Variants in CLVS1 observed in about 807,000 individuals in gnomAD.
The protein encoded by CLVS1 is clavesin-1.
In CLVS1, 10 loss-of-function variants were observed where a neutral mutation model predicts 33.1. The observed-to-expected ratio is 0.30, with a 90% CI of 0.19 to 0.51. The LOEUF (loss-of-function observed/expected upper bound fraction) is 0.51. Among genes scored for constraint, CLVS1 ranks in the 20% least tolerant of loss-of-function variants. The pLI is 0.97. For missense variants in CLVS1, 343 were observed against 433.4 expected, an observed-to-expected ratio of 0.79 and a Z score of 1.85; for synonymous variants, 163 against 166.1, an observed-to-expected ratio of 0.98 and a Z score of 0.14.
At chr8:61,177,566 C>T (rs1386081138) in intron 2 of CLVS1, among the ~76,000 whole-genome samples, 5 of 152,106 alleles carry the variant, frequency 3.3e-5, no homozygotes, top group African/African-American at 9.7e-5. Context: ...ACACCCTATA[C>T]AGGAGCTTTC....
At chr8:61,298,560 T>C (rs1268836118) in intron 1 of CLVS1, among the ~76,000 whole-genome samples, 1 of 152,136 alleles carries the variant, frequency 6.6e-6, no homozygotes, top group Non-Finnish European at 1.5e-5. Flanking sequence ...TTTAAGTAAT[T>C]TTGTATGAGA....
At chr8:61,210,732 T>C (rs1454237914) in intron 2 of CLVS1, among the ~76,000 whole-genome samples, 2 of 152,234 alleles carry the variant, frequency 1.3e-5, no homozygotes, top group Non-Finnish European at 2.9e-5. Context: ...TCCTGAACTA[T>C]GGACACCGTA....
the CLVS1 span, among the ~76,000 whole-genome samples, chr8:61,033,161 A>AAGAAAGAAAGAAAGAAAGAAAGAAAGAAG: frequency 2.2e-5 from 2 of 92,130 alleles, no homozygotes; most frequent in African/African-American, 8.8e-5. Context: ...GAAAGAAAGA[A>AAGAAAGAAAGAAAGAAAGAAAGAAAGAAG]AAAGAAAGAA....
chr8:61,074,467 T>TTA (rs71559324), intron 1 of CLVS1, among the ~76,000 whole-genome samples: 61,876 of 131,926 alleles, frequency 0.47, 18,028 homozygotes, highest in African/African-American at 0.79. Context: ...TATATATATG[T>TTA]TATATATATA....
intron 3 of CLVS1, among the ~76,000 whole-genome samples, chr8:61,383,984 G>A (rs182452493): frequency 6.6e-6 from 1 of 152,282 alleles, no homozygotes; most frequent in Non-Finnish European, 1.5e-5. Flanking sequence ...AAAGAGACAT[G>A]TACCAAGCTA....
chr8:61,331,159 T>C (rs7845684), intron 2 of CLVS1, among the ~76,000 whole-genome samples: 17,157 of 152,194 alleles, frequency 0.11, 2,563 homozygotes, highest in African/African-American at 0.34. Flanking sequence ...AAATTGCTTT[T>C]CTTCAGAATT....
the CLVS1 span, among the ~76,000 whole-genome samples, chr8:61,049,590 A>T: frequency 6.6e-6 from 1 of 152,246 alleles, no homozygotes; most frequent in South Asian, 2.1e-4. Flanking sequence ...AAAACTTTCT[A>T]CTGGGACTAT....
chr8:60,995,058 C>G, the CLVS1 span, among the ~76,000 whole-genome samples: 1 of 152,078 alleles, frequency 6.6e-6, no homozygotes, highest in Non-Finnish European at 1.5e-5. Context: ...ACCATAAAAA[C>G]CCTAGAAGAA....
chr8:61,429,568 A>G (rs1816033735), intron 3 of CLVS1, among the ~76,000 whole-genome samples: 1 of 152,142 alleles, frequency 6.6e-6, no homozygotes, highest in Non-Finnish European at 1.5e-5. Flanking sequence ...CACCTCTTAA[A>G]GTTCCCACCT....
intron 2 of CLVS1, among the ~76,000 whole-genome samples, chr8:61,248,278 T>G (rs1808859872): frequency 6.6e-6 from 1 of 152,160 alleles, no homozygotes; most frequent in Non-Finnish European, 1.5e-5. Flanking sequence ...CTTTTCTTTT[T>G]TGGTTCCATA....
At chr8:61,120,452 C>A (rs1348876241) in intron 1 of CLVS1, among the ~76,000 whole-genome samples, 2 of 130,834 alleles carry the variant, frequency 1.5e-5, no homozygotes, top group South Asian at 3.1e-4. Context: ...AGGCGCTCTG[C>A]ATTTTAGAGT....
chr8:61,206,833 C>T (rs543859950), intron 2 of CLVS1, among the ~76,000 whole-genome samples: 110 of 152,250 alleles, frequency 7.2e-4, no homozygotes, highest in Middle Eastern at 3.4e-3. Flanking sequence ...GTGATCCACC[C>T]GCCTCGGCCT....
intron 2 of CLVS1, among the ~76,000 whole-genome samples, chr8:61,310,771 G>T (rs1810803849): frequency 6.6e-6 from 1 of 152,196 alleles, no homozygotes; most frequent in Non-Finnish European, 1.5e-5. Context: ...GATATTGCTT[G>T]AAATGTTTTA....
the CLVS1 span, among the ~76,000 whole-genome samples, chr8:60,971,464 C>G: frequency 6.6e-6 from 1 of 152,218 alleles, no homozygotes; most frequent in Admixed American, 6.5e-5. Context: ...GACAGTAATG[C>G]TCACTTTGAT....
chr8:61,499,358 TAAAA>T, intron 5 of CLVS1, 93 bp from the exon 6 acceptor site: 1 of 725,518 alleles, frequency 1.4e-6, no homozygotes, highest in Non-Finnish European at 2.3e-6. Context: ...GAGTGTCTAT[TAAAA>T]AGAGAAATAT....
intron 1 of CLVS1, among the ~76,000 whole-genome samples, chr8:61,289,134 C>T (rs1250744973): frequency 6.6e-6 from 1 of 152,208 alleles, no homozygotes; most frequent in African/African-American, 2.4e-5. Context: ...TTGTTTGTCA[C>T]CAGTCAAGGA....
chr8:61,329,261 T>A (rs187515038), intron 2 of CLVS1, among the ~76,000 whole-genome samples: 3 of 152,176 alleles, frequency 2.0e-5, no homozygotes, highest in Admixed American at 6.5e-5. Flanking sequence ...TAATTTTCAC[T>A]GGCCTAACTG....
chr8:61,397,349 T>C (rs1440954377), intron 3 of CLVS1, among the ~76,000 whole-genome samples: 1 of 152,204 alleles, frequency 6.6e-6, no homozygotes, highest in Non-Finnish European at 1.5e-5. Context: ...TAATATCTTT[T>C]TTGGAGAATC....
At chr8:61,124,590 C>A (rs1172969870) in intron 1 of CLVS1, among the ~76,000 whole-genome samples, 1 of 152,142 alleles carries the variant, frequency 6.6e-6, no homozygotes, top group Non-Finnish European at 1.5e-5. Context: ...TTCCTTCAGA[C>A]CCTTTAATGA....
Sources: allele counts gnomAD v4.1 joint callset (sites outside exome capture counted in the v4.1 genomes callset), GRCh38; gene constraint gnomAD v4.1.1; transcripts MANE v1.5; gene names NCBI Gene and HGNC (gene_info 2026-07-23, HGNC 2026-07-21).